Variants in NELL2 observed in about 807,000 individuals in gnomAD.
NELL2 encodes the protein protein kinase C-binding protein NELL2.
In NELL2, 41 loss-of-function variants were observed where a neutral mutation model predicts 109.6. The observed-to-expected ratio is 0.37, with a 90% CI of 0.29 to 0.49. The LOEUF is 0.49. NELL2 is among the 20% of genes least tolerant of loss of function. The pLI is 0.98. For synonymous variants in NELL2, 355 were observed against 344.7 expected, an observed-to-expected ratio of 1.03 and a Z score of -0.33; for missense variants, 900 against 1,008.3, an observed-to-expected ratio of 0.89 and a Z score of 1.45.
At chr12:44,888,591 A>AT (rs2136867028) in intron 1 of NELL2, among the ~76,000 whole-genome samples, 1 of 152,044 alleles carries the variant, frequency 6.6e-6, no homozygotes, top group East Asian at 1.9e-4. Flanking sequence ...AAAAATTAAA[A>AT]TTAAGAAGCA....
chr12:44,851,037 G>T (rs899380205), intron 2 of NELL2, among the ~76,000 whole-genome samples: 2 of 152,156 alleles, frequency 1.3e-5, no homozygotes, highest in Non-Finnish European at 2.9e-5. Flanking sequence ...TATATTATAT[G>T]TACATACCTA....
At chr12:44,626,204 T>C (rs1037434) in intron 13 of NELL2, among the ~76,000 whole-genome samples, 88,265 of 151,946 alleles carry the variant, frequency 0.58, 26,161 homozygotes, top group East Asian at 0.73. Flanking sequence ...ATCATGACAT[T>C]TGACTTATTT....
At position 44,876,124 on chromosome 12, in the gene NELL2, G is replaced by A. The variant is rs1945313687; in HGVS notation, c.-255C>T. 1 of 1,305,150 alleles carries A rather than the reference G, an allele frequency of 7.7e-7. No homozygotes were observed. Among genetic ancestry groups the A allele is most frequent in the Middle Eastern group, 3.0e-4 (1 of 3,306 alleles). 80.8% of individuals were successfully genotyped at this position (1,305,150 alleles called of 1,614,324 possible). A position where few individuals can be genotyped will look rare whatever the true frequency, so the allele number is the denominator to read the frequency against. ...CCGAGGCGGCAGCGCGGCCCGGAGG[G>A]GGCCCGGAGGGAGGGGTCGGACTCG... On this transcript the variant is annotated 5_prime_UTR_variant, in exon 1 of 20. Coordinates refer to ENST00000429094, the MANE Select transcript of NELL2 (RefSeq NM_001145108.2).
intron 15 of NELL2, among the ~76,000 whole-genome samples, chr12:44,537,866 G>A (rs531865961): frequency 6.6e-6 from 1 of 152,154 alleles, no homozygotes; most frequent in East Asian, 1.9e-4. Context: ...TTTCATATAA[G>A]AAGACTGATT....
At chr12:44,648,292 T>C (rs1947170012) in intron 13 of NELL2, among the ~76,000 whole-genome samples, 1 of 152,158 alleles carries the variant, frequency 6.6e-6, no homozygotes, top group South Asian at 2.1e-4. Context: ...CTACTTCCCT[T>C]CTTCCTCCCT....
rs1392761326 is a variant in NELL2 at position 44,617,597 on chromosome 12, C to CA, written c.1445-6628dup. Among the ~76,000 whole-genome samples, 2 of 117,534 alleles carry CA rather than the reference C, an allele frequency of 1.7e-5. 1 individual carries two copies. Among genetic ancestry groups the CA allele is most frequent in the Non-Finnish European group, 3.3e-5 (2 of 60,162 alleles). The allele number at this position is 117,534 out of a possible 152,430, so 77.1% of individuals were successfully genotyped here. On this transcript the variant is annotated intron_variant, in intron 13 of 19. Coordinates refer to ENST00000429094, the MANE Select transcript of NELL2 (RefSeq NM_001145108.2). ...GTCCCAGCTACTTGGGAGGCTGAGG[C>CA]AGGAGAATGGCGTGAACCTGGGAGG...
intron 9 of NELL2, among the ~76,000 whole-genome samples, chr12:44,717,552 A>C (rs763658042): frequency 2.5e-4 from 38 of 152,180 alleles, no homozygotes; most frequent in Non-Finnish European, 4.9e-4. Flanking sequence ...ACTTCTAAGA[A>C]GGGACAGCTG....
intron 15 of NELL2, among the ~76,000 whole-genome samples, chr12:44,550,965 C>T (rs1436415021): frequency 2.6e-5 from 4 of 152,082 alleles, no homozygotes; most frequent in African/African-American, 7.2e-5. Context: ...CTACAGCTAA[C>T]AATACTCTCT....
At chr12:44,735,686 T>G (rs186941536) in intron 9 of NELL2, among the ~76,000 whole-genome samples, 29 of 152,298 alleles carry the variant, frequency 1.9e-4, no homozygotes, top group Non-Finnish European at 2.9e-5. Flanking sequence ...CCACTGATTT[T>G]TTTCACTGTA....
At chr12:44,570,474 G>A (rs1943822394) in intron 15 of NELL2, among the ~76,000 whole-genome samples, 2 of 152,104 alleles carry the variant, frequency 1.3e-5, no homozygotes, top group African/African-American at 2.4e-5. Flanking sequence ...AACAATCGAA[G>A]CCGATAATTC....
chr12:44,876,181 C>A lies in NELL2; in HGVS notation c.-312G>T. On this transcript the variant is annotated 5_prime_UTR_variant, in exon 1 of 20. Coordinates refer to ENST00000429094, the MANE Select transcript of NELL2 (RefSeq NM_001145108.2). ...CGCGGCTCCGTCGGGGAATTAGCTCCCGAGCCGAATAAAAGCAGCCAAAGA... is the reference window on the plus strand; with the variant it reads ...CGCGGCTCCGTCGGGGAATTAGCTCACGAGCCGAATAAAAGCAGCCAAAGA... 1 of 1,245,238 alleles carries A rather than the reference C, an allele frequency of 8.0e-7. No individual in the cohort carries two copies. The highest frequency in any genetic ancestry group is 1.0e-6 in the Non-Finnish European group (1 of 989,792). 77.1% of individuals were successfully genotyped at this position (1,245,238 alleles called of 1,614,324 possible). A position where few individuals can be genotyped will look rare whatever the true frequency, so the allele number is the denominator to read the frequency against.
intron 14 of NELL2, among the ~76,000 whole-genome samples, chr12:44,607,681 A>G (rs1200237374): frequency 1.3e-5 from 2 of 152,062 alleles, no homozygotes; most frequent in Non-Finnish European, 2.9e-5. Context: ...TGAGGCTCTG[A>G]CCATTTTGCA....
At chr12:44,643,384 A>ACATTAT (rs1946931808) in intron 13 of NELL2, among the ~76,000 whole-genome samples, 1 of 152,212 alleles carries the variant, frequency 6.6e-6, no homozygotes, top group Non-Finnish European at 1.5e-5. Context: ...AGATTAAAAA[A>ACATTAT]CATTATGATA....
At chr12:44,724,874 A>G (rs940919924) in intron 9 of NELL2, among the ~76,000 whole-genome samples, 11 of 151,968 alleles carry the variant, frequency 7.2e-5, no homozygotes, top group Non-Finnish European at 1.3e-4. Context: ...ACTATACTAC[A>G]AGTCTACCAA....
intron 1 of NELL2, among the ~76,000 whole-genome samples, chr12:44,903,502 T>C (rs145444607): frequency 0.074 from 11,335 of 152,248 alleles, 546 homozygotes; most frequent in Admixed American, 0.12. Flanking sequence ...GACCTAGAAC[T>C]AGAAATACCA....
chr12:44,899,448 G>A (rs997723591), intron 1 of NELL2, among the ~76,000 whole-genome samples: 1 of 152,068 alleles, frequency 6.6e-6, no homozygotes, highest in Admixed American at 6.5e-5. Flanking sequence ...AAGAGAGTGG[G>A]GGCCAATATT....
intron 1 of NELL2, among the ~76,000 whole-genome samples, chr12:44,895,683 A>G (rs1012821336): frequency 9.9e-5 from 15 of 152,086 alleles, no homozygotes; most frequent in Admixed American, 9.8e-4. Context: ...ATTTTTGTTG[A>G]GGCTTTTTTT....
chr12:44,755,942 AGC>A (rs2136537487), intron 9 of NELL2, among the ~76,000 whole-genome samples: 1 of 152,344 alleles, frequency 6.6e-6, no homozygotes, highest in Admixed American at 6.5e-5. Flanking sequence ...ATGGATGAAT[AGC>A]ACAACTTCTG....
At chr12:44,553,458 C>T (rs150364065) in intron 15 of NELL2, among the ~76,000 whole-genome samples, 202 of 152,146 alleles carry the variant, frequency 1.3e-3, no homozygotes, top group African/African-American at 4.6e-3. Context: ...CAAGAATTTC[C>T]ACCTTCACAA....
Sources: gnomAD v4.1 joint callset for allele counts (sites outside exome capture counted in the v4.1 genomes callset) on GRCh38, gnomAD v4.1.1 for gene constraint, MANE v1.5 for transcripts, NCBI Gene and HGNC (gene_info 2026-07-23, HGNC 2026-07-21) for gene names.